TTC21B: variants seen among roughly 807,000 people sequenced by gnomAD.
The protein encoded by TTC21B is tetratricopeptide repeat protein 21B.
Under a neutral mutation model 175.1 loss-of-function variants are expected in TTC21B, and 127 were observed. That is an observed-to-expected ratio of 0.73 (90% CI 0.63 to 0.84). The LOEUF (loss-of-function observed/expected upper bound fraction) is 0.84. TTC21B is among the 40% of genes least tolerant of loss of function. The pLI is 0.00. For missense variants in TTC21B, 1,561 were observed against 1,558.3 expected, an observed-to-expected ratio of 1.00 and a Z score of -0.03; for synonymous variants, 524 against 524.5, an observed-to-expected ratio of 1.00 and a Z score of 0.01.
intron 22 of TTC21B, among the ~76,000 whole-genome samples, chr2:165,895,041 A>T (rs1244554879): frequency 6.6e-6 from 1 of 152,042 alleles, no homozygotes; most frequent in Non-Finnish European, 1.5e-5. Context: ...AGCACCACAT[A>T]AGACATTTTT....
At chr2:165,892,097 A>C (rs1685214038) in intron 22 of TTC21B, among the ~76,000 whole-genome samples, 1 of 152,134 alleles carries the variant, frequency 6.6e-6, no homozygotes, top group South Asian at 2.1e-4. Flanking sequence ...ATAAGGGCCT[A>C]CTTACTGATG....
intron 16 of TTC21B, 90 bp downstream of exon 16, chr2:165,913,484 T>A: frequency 1.2e-6 from 1 of 850,558 alleles, no homozygotes. Flanking sequence ...ATATTAAACA[T>A]TATTTTAAAA....
At chr2:165,885,200 T>A (rs1684964106) in intron 25 of TTC21B, among the ~76,000 whole-genome samples, 1 of 152,128 alleles carries the variant, frequency 6.6e-6, no homozygotes, top group Admixed American at 6.6e-5. Flanking sequence ...GGAACGGTGA[T>A]ACCATTACTA....
chr2:165,946,054 A>G (rs1249170010), intron 3 of TTC21B, among the ~76,000 whole-genome samples: 1 of 152,026 alleles, frequency 6.6e-6, no homozygotes, highest in African/African-American at 2.4e-5. Context: ...GGCTGGGCGC[A>G]GTGGCTCACG....
chr2:165,890,682 C>T lies in TTC21B; in HGVS notation c.3102-42G>A, dbSNP rs1353593994. The T allele has an allele frequency of 2.5e-6, 4 of 1,592,952 alleles. No homozygotes were observed. In the African/African-American group the frequency reaches 5.4e-5, roughly 21 times the overall value. ...AAGAATTATTTATTTCAATCACTGACTACAAAATTTATATTAGTTTATAAT... is the reference window on the plus strand; with the variant it reads ...AAGAATTATTTATTTCAATCACTGATTACAAAATTTATATTAGTTTATAAT... On this transcript the variant is annotated intron_variant, in intron 23 of 28. Coordinates refer to ENST00000243344, the MANE Select transcript of TTC21B (RefSeq NM_024753.5).
At chr2:165,891,063 T>G in intron 22 of TTC21B, 75 bp from the exon 23 acceptor site, 1 of 1,271,812 alleles carries the variant, frequency 7.9e-7, no homozygotes, top group Non-Finnish European at 1.1e-6. Flanking sequence ...TCTACTTCAT[T>G]AGAGTATAAT....
intron 14 of TTC21B, among the ~76,000 whole-genome samples, chr2:165,916,269 A>C (rs1686173583): frequency 6.6e-6 from 1 of 152,222 alleles, no homozygotes; most frequent in South Asian, 2.1e-4. Context: ...TCACTAAAAA[A>C]TACAGTAAAT....
chr2:165,949,876 G>C, intron 1 of TTC21B, 152 bp from the exon 2 acceptor site: 1 of 673,932 alleles, frequency 1.5e-6, no homozygotes, highest in Non-Finnish European at 2.5e-6. Context: ...TTAATGGCTA[G>C]AACTCAATGC....
At chr2:165,891,587 AT>A (rs1685196493) in intron 22 of TTC21B, among the ~76,000 whole-genome samples, 2 of 113,560 alleles carry the variant, frequency 1.8e-5, no homozygotes, top group Non-Finnish European at 3.9e-5. Flanking sequence ...TCATTCATTC[AT>A]TCATTCATTC....
intron 7 of TTC21B, among the ~76,000 whole-genome samples, chr2:165,932,347 A>T (rs1686941486): frequency 6.6e-6 from 1 of 152,170 alleles, no homozygotes; most frequent in Non-Finnish European, 1.5e-5. Context: ...ACCCCTACTA[A>T]GATACTCCTA....
intron 23 of TTC21B, 27 bp downstream of exon 23, chr2:165,890,811 G>A: frequency 6.2e-7 from 1 of 1,604,850 alleles, no homozygotes; most frequent in Non-Finnish European, 8.5e-7. Context: ...AAAAAATCAT[G>A]TAGCATTTAT....
intron 27 of TTC21B, among the ~76,000 whole-genome samples, chr2:165,880,263 C>T (rs1300997721): frequency 1.3e-5 from 2 of 152,104 alleles, no homozygotes; most frequent in Admixed American, 1.3e-4. Flanking sequence ...GGAAACATGG[C>T]CCCTCTGTGA....
intron 22 of TTC21B, among the ~76,000 whole-genome samples, chr2:165,894,755 TTGCCACATCCATGTGTGTGGCA>T (rs1446853700): frequency 6.6e-6 from 1 of 152,218 alleles, no homozygotes. Flanking sequence ...AACATCTATG[TTGCCACATCCATGTGTGTGGCA>T]TTTTGTCTGA....
intron 24 of TTC21B, 86 bp from the exon 25 acceptor site, chr2:165,888,560 C>T: frequency 1.0e-6 from 1 of 1,002,006 alleles, no homozygotes; most frequent in South Asian, 1.4e-5. Flanking sequence ...TACACAAAAG[C>T]TCTGGGCACT....
chr2:165,936,415 A>G (rs749365893), intron 6 of TTC21B, among the ~76,000 whole-genome samples: 2 of 152,156 alleles, frequency 1.3e-5, no homozygotes, highest in Non-Finnish European at 1.5e-5. Flanking sequence ...GACATTTTAG[A>G]TAATACACAA....
At chr2:165,932,219 T>C (rs866870680) in intron 7 of TTC21B, among the ~76,000 whole-genome samples, 3 of 152,240 alleles carry the variant, frequency 2.0e-5, no homozygotes, top group Middle Eastern at 3.4e-3. Context: ...GTATATGAGG[T>C]CAGCCCTTCA....
chr2:165,883,690 A>G, intron 26 of TTC21B, 104 bp downstream of exon 26: 1 of 943,630 alleles, frequency 1.1e-6, no homozygotes, highest in Admixed American at 2.0e-5. Context: ...AATTTTCAAA[A>G]ATCACACAGG....
chr2:165,953,643 G>GCCCC, intron 1 of TTC21B, 42 bp downstream of exon 1: 1 of 1,372,854 alleles, frequency 7.3e-7, no homozygotes. Flanking sequence ...AAGGAACTCC[G>GCCCC]CCCGCCCGCC....
intron 19 of TTC21B, among the ~76,000 whole-genome samples, chr2:165,906,102 C>A (rs1685721159): frequency 6.6e-6 from 1 of 151,748 alleles, no homozygotes; most frequent in African/African-American, 2.4e-5. Context: ...AAGAAGCAAT[C>A]AAAGTGAAAA....
Sources: allele counts gnomAD v4.1 joint callset (sites outside exome capture counted in the v4.1 genomes callset), GRCh38; gene constraint gnomAD v4.1.1; transcripts MANE v1.5; gene names NCBI Gene and HGNC (gene_info 2026-07-23, HGNC 2026-07-21).